GRID2: variants seen among roughly 807,000 people sequenced by gnomAD.
GRID2 encodes glutamate receptor ionotropic, delta-2.
GRID2 carries 33 observed loss-of-function variants against 114.8 expected under a neutral mutation model. The observed-to-expected ratio is 0.29, with a 90% confidence interval of 0.22 to 0.38. The LOEUF is 0.38. Among genes scored for constraint, GRID2 ranks in the 10% least tolerant of loss-of-function variants. The pLI is 1.00. For missense variants in GRID2, 1,184 were observed against 1,257.7 expected (o/e 0.94, Z 0.89); for synonymous variants, 505 against 449.9 (o/e 1.12, Z -1.55).
chr4:92,825,453 T>G (rs1741629421), intron 2 of GRID2, among the ~76,000 whole-genome samples: 2 of 152,122 alleles, frequency 1.3e-5, no homozygotes, highest in Non-Finnish European at 2.9e-5. Context: ...TCTTCAGCTG[T>G]CATGACAGCG....
At chr4:92,783,409 C>T (rs916428442) in intron 2 of GRID2, among the ~76,000 whole-genome samples, 1 of 151,910 alleles carries the variant, frequency 6.6e-6, no homozygotes, top group South Asian at 2.1e-4. Flanking sequence ...TAGATATTGC[C>T]TTTTAAAACT....
chr4:93,241,121 T>G (rs1266901937), intron 8 of GRID2, among the ~76,000 whole-genome samples: 1 of 151,830 alleles, frequency 6.6e-6, no homozygotes, highest in East Asian at 1.9e-4. Context: ...GGTATTATAG[T>G]CTATAAATAT....
chr4:93,592,264 T>C (rs1440585389), intron 13 of GRID2, among the ~76,000 whole-genome samples: 24 of 152,148 alleles, frequency 1.6e-4, no homozygotes, highest in Non-Finnish European at 5.9e-5. Flanking sequence ...GTGTCTTTGT[T>C]CTCGTTGGTT....
intron 14 of GRID2, among the ~76,000 whole-genome samples, chr4:93,719,329 GA>G (rs1433625832): frequency 6.6e-6 from 1 of 151,730 alleles, no homozygotes; most frequent in Non-Finnish European, 1.5e-5. Context: ...GCAAATTTGT[GA>G]AAAGTTATTT....
At chr4:93,405,695 C>A (rs1356476614) in intron 9 of GRID2, among the ~76,000 whole-genome samples, 2 of 152,130 alleles carry the variant, frequency 1.3e-5, no homozygotes, top group Admixed American at 6.6e-5. Flanking sequence ...ACATGAACTA[C>A]ATTATATACT....
intron 1 of GRID2, among the ~76,000 whole-genome samples, chr4:92,444,040 A>G (rs1418621767): frequency 1.3e-5 from 2 of 152,222 alleles, no homozygotes; most frequent in Non-Finnish European, 2.9e-5. Context: ...GAAGAGAGTC[A>G]GAAGAGGCCG....
intron 2 of GRID2, among the ~76,000 whole-genome samples, chr4:92,738,350 CTT>C (rs1736704068): frequency 6.6e-6 from 1 of 151,542 alleles, no homozygotes; most frequent in South Asian, 2.1e-4. Context: ...AATAAGCTAA[CTT>C]TTAGCTTATT....
chr4:92,970,686 T>A (rs1431950711), intron 2 of GRID2, among the ~76,000 whole-genome samples: 7 of 151,936 alleles, frequency 4.6e-5, no homozygotes, highest in Non-Finnish European at 5.9e-5. Context: ...TAGAAATAAT[T>A]TTGTTAAATT....
chr4:93,529,939 G>A (rs1731279688), intron 13 of GRID2, among the ~76,000 whole-genome samples: 1 of 152,078 alleles, frequency 6.6e-6, no homozygotes, highest in South Asian at 2.1e-4. Context: ...TTTGCAAGTT[G>A]ACGCTTATCT....
chr4:92,335,182 GT>G (rs1005916643), intron 1 of GRID2, among the ~76,000 whole-genome samples: 4 of 152,160 alleles, frequency 2.6e-5, no homozygotes, highest in African/African-American at 7.2e-5. Context: ...TAACTTCAGA[GT>G]TAGCATCAAG....
intron 8 of GRID2, among the ~76,000 whole-genome samples, chr4:93,317,451 T>C (rs969471733): frequency 2.6e-5 from 4 of 152,038 alleles, no homozygotes; most frequent in East Asian, 3.9e-4. Context: ...TCGACAGCTG[T>C]TTAAAAAACA....
Position 92,451,171 on chromosome 4 carries a change from C to T in GRID2, c.89-138960C>T, listed in dbSNP as rs548710970. Among the ~76,000 whole-genome samples, 44 of 152,088 alleles carry T rather than the reference C, an allele frequency of 2.9e-4. 1 individual carries two copies. The South Asian group carries it at 7.9e-3, about 27-fold the overall frequency. ...CTTGAACTGAAGAGACTAGCCTGAC[C>T]GTGGAGCTGACAAAGAAAGAATGTA... On this transcript the variant is annotated intron_variant, in intron 1 of 15. Transcript: ENST00000282020.
chr4:93,498,153 T>C (rs1404883175), intron 12 of GRID2, among the ~76,000 whole-genome samples: 1 of 151,894 alleles, frequency 6.6e-6, no homozygotes, highest in Non-Finnish European at 1.5e-5. Context: ...TTATAAAGAA[T>C]AGAAATTTAT....
intron 13 of GRID2, among the ~76,000 whole-genome samples, chr4:93,532,478 ACTGT>A (rs1330815263): frequency 1.3e-5 from 2 of 152,166 alleles, no homozygotes; most frequent in Non-Finnish European, 2.9e-5. Context: ...CTCAAATTAT[ACTGT>A]CAGAAATATA....
chr4:93,166,814 C>A (rs910327072), intron 4 of GRID2, among the ~76,000 whole-genome samples: 7 of 152,116 alleles, frequency 4.6e-5, no homozygotes, highest in Non-Finnish European at 1.0e-4. Flanking sequence ...TACTAGGTTA[C>A]TACTGAGTAA....
At chr4:92,625,901 T>C (rs959279575) in intron 2 of GRID2, among the ~76,000 whole-genome samples, 3 of 151,872 alleles carry the variant, frequency 2.0e-5, no homozygotes, top group African/African-American at 7.2e-5. Context: ...TACTTCAAGA[T>C]TTTTTTATTT....
At chr4:92,835,223 G>A (rs1025530907) in intron 2 of GRID2, among the ~76,000 whole-genome samples, 1 of 151,602 alleles carries the variant, frequency 6.6e-6, no homozygotes, top group Admixed American at 6.6e-5. Flanking sequence ...TGAAGATGAG[G>A]TTGAGGGTAG....
chr4:92,790,046 AT>A (rs1417142470), intron 2 of GRID2, among the ~76,000 whole-genome samples: 1 of 151,788 alleles, frequency 6.6e-6, no homozygotes, highest in Non-Finnish European at 1.5e-5. Flanking sequence ...TTTCTATGTT[AT>A]TTTTAGCATC....
At chr4:93,566,050 C>T (rs924892628) in intron 13 of GRID2, among the ~76,000 whole-genome samples, 2 of 152,064 alleles carry the variant, frequency 1.3e-5, no homozygotes, top group Non-Finnish European at 2.9e-5. Flanking sequence ...ATTTTTTCTG[C>T]GGGTGATTTA....
Sources: gnomAD v4.1 joint callset for allele counts (sites outside exome capture counted in the v4.1 genomes callset) on GRCh38, gnomAD v4.1.1 for gene constraint, MANE v1.5 for transcripts, NCBI Gene and HGNC (gene_info 2026-07-23, HGNC 2026-07-21) for gene names.